CNTNAP2: variants seen among roughly 807,000 people sequenced by gnomAD.
The protein encoded by CNTNAP2 is contactin-associated protein-like 2.
In CNTNAP2, 98 loss-of-function variants were observed where a neutral mutation model predicts 155.2. That is an observed-to-expected ratio of 0.63 (90% CI 0.54 to 0.75). The LOEUF (loss-of-function observed/expected upper bound fraction) is 0.75. CNTNAP2 is among the 30% of genes least tolerant of loss of function. CNTNAP2 has a pLI of 0.00. For synonymous variants in CNTNAP2, 651 were observed against 631.2 expected (o/e 1.03, Z -0.47); for missense variants, 1,727 against 1,688.1 (o/e 1.02, Z -0.40).
intron 1 of CNTNAP2, among the ~76,000 whole-genome samples, chr7:146,709,677 G>C (rs1290718296): frequency 2.6e-5 from 4 of 152,100 alleles, no homozygotes; most frequent in Non-Finnish European, 5.9e-5. Context: ...CCAGCTTGTG[G>C]TTTCAGCTTC....
intron 15 of CNTNAP2, among the ~76,000 whole-genome samples, chr7:148,107,180 G>A (rs930983484): frequency 2.6e-5 from 4 of 152,106 alleles, no homozygotes. Context: ...CACTAATAAT[G>A]GGATTGACAT....
chr7:147,520,289 A>G (rs573280001), intron 11 of CNTNAP2, among the ~76,000 whole-genome samples: 4 of 152,360 alleles, frequency 2.6e-5, no homozygotes, highest in African/African-American at 7.2e-5. Context: ...CAAATTAAAA[A>G]TAGAGAATCT....
chr7:147,430,831 A>C (rs1433496473), intron 10 of CNTNAP2, among the ~76,000 whole-genome samples: 1 of 152,016 alleles, frequency 6.6e-6, no homozygotes, highest in Non-Finnish European at 1.5e-5. Flanking sequence ...TTGGGAGGCC[A>C]AAGTGGGTGG....
At chr7:146,794,042 A>G (rs575492466) in intron 2 of CNTNAP2, among the ~76,000 whole-genome samples, 1 of 152,272 alleles carries the variant, frequency 6.6e-6, no homozygotes, top group African/African-American at 2.4e-5. Context: ...GAGGGTAAAA[A>G]TCTAGTATTC....
rs10255967 is a variant in CNTNAP2, at chr7:146,467,640, G to A, written c.98-306631G>A. Among the ~76,000 whole-genome samples the A allele has an allele frequency of 4.7e-3, 723 of 152,252 alleles. 7 individuals are homozygous for A. Among genetic ancestry groups the A allele is most frequent in the African/African-American group, 0.016 (674 of 41,574 alleles). Reference sequence around the variant, plus strand: ...ATGATGGATAAGAATATATTTCAGAGTGTTAGTTTCCTGATTTATAATTAT... The same window carrying A: ...ATGATGGATAAGAATATATTTCAGAATGTTAGTTTCCTGATTTATAATTAT... On this transcript the variant is annotated intron_variant, in intron 1 of 23. Transcript: ENST00000361727.
intron 1 of CNTNAP2, among the ~76,000 whole-genome samples, chr7:146,248,309 C>T (rs538825688): frequency 5.3e-4 from 81 of 152,002 alleles, no homozygotes; most frequent in African/African-American, 1.8e-3. Flanking sequence ...GGAGAAGACA[C>T]GGAGAGAAGG....
At chr7:146,583,623 G>T (rs1028998548) in intron 1 of CNTNAP2, among the ~76,000 whole-genome samples, 1 of 152,098 alleles carries the variant, frequency 6.6e-6, no homozygotes, top group African/African-American at 2.4e-5. Context: ...AAAATACATA[G>T]TTTAAATCAG....
intron 1 of CNTNAP2, among the ~76,000 whole-genome samples, chr7:146,579,755 C>G (rs180994588): frequency 3.9e-5 from 6 of 152,046 alleles, no homozygotes; most frequent in African/African-American, 1.2e-4. Flanking sequence ...AAAATACAAA[C>G]GACATTGAGT....
At chr7:147,318,748 G>A (rs1278899461) in intron 9 of CNTNAP2, among the ~76,000 whole-genome samples, 2 of 152,018 alleles carry the variant, frequency 1.3e-5, no homozygotes, top group Non-Finnish European at 2.9e-5. Flanking sequence ...GGGTTGATTG[G>A]TGCAGCAAAC....
chr7:146,722,882 G>A (rs1037674759), intron 1 of CNTNAP2, among the ~76,000 whole-genome samples: 1 of 152,070 alleles, frequency 6.6e-6, no homozygotes, highest in African/African-American at 2.4e-5. Context: ...GGGCATAGTG[G>A]TGGGCATCTC....
At chr7:147,042,294 T>A (rs1799274885) in intron 3 of CNTNAP2, among the ~76,000 whole-genome samples, 1 of 152,188 alleles carries the variant, frequency 6.6e-6, no homozygotes, top group Non-Finnish European at 1.5e-5. Context: ...TTGTCCATGT[T>A]ATAGACTAAA....
At chr7:146,777,014 A>G (rs1802401644) in intron 2 of CNTNAP2, among the ~76,000 whole-genome samples, 1 of 152,174 alleles carries the variant, frequency 6.6e-6, no homozygotes, top group African/African-American at 2.4e-5. Context: ...AGGTAGATAG[A>G]GAGAAATAGA....
At chr7:147,423,782 T>C (rs1797335247) in intron 10 of CNTNAP2, among the ~76,000 whole-genome samples, 1 of 152,162 alleles carries the variant, frequency 6.6e-6, no homozygotes, top group African/African-American at 2.4e-5. Context: ...ATAATTGTGC[T>C]TCTCATTTCC....
chr7:146,771,428 A>G (rs1802291504), intron 1 of CNTNAP2, among the ~76,000 whole-genome samples: 1 of 152,222 alleles, frequency 6.6e-6, no homozygotes. Flanking sequence ...TTATAATCAA[A>G]TGTATCAGAA....
At chr7:146,969,468 G>A (rs1389035332) in intron 3 of CNTNAP2, among the ~76,000 whole-genome samples, 3 of 152,070 alleles carry the variant, frequency 2.0e-5, no homozygotes, top group Non-Finnish European at 4.4e-5. Context: ...AGATCACTCA[G>A]GACTTGCTTT....
At chr7:148,074,457 G>A (rs955884374) in intron 15 of CNTNAP2, among the ~76,000 whole-genome samples, 4 of 152,056 alleles carry the variant, frequency 2.6e-5, no homozygotes, top group Non-Finnish European at 4.4e-5. Context: ...TTGGGAGGCC[G>A]AGGCGGGTTG....
At chr7:146,347,220 G>C (rs990941829) in intron 1 of CNTNAP2, among the ~76,000 whole-genome samples, 19 of 151,120 alleles carry the variant, frequency 1.3e-4, no homozygotes, top group African/African-American at 4.6e-4. Flanking sequence ...TAAAAATAGA[G>C]ATGGAGGAGA....
chr7:148,169,712 A>G (rs1805739236), intron 17 of CNTNAP2, among the ~76,000 whole-genome samples: 1 of 152,250 alleles, frequency 6.6e-6, no homozygotes, highest in Non-Finnish European at 1.5e-5. Flanking sequence ...CTGTAATCCC[A>G]GCACTTTGGG....
At chr7:147,997,400 A>C (rs1241990961) in intron 15 of CNTNAP2, among the ~76,000 whole-genome samples, 1 of 151,924 alleles carries the variant, frequency 6.6e-6, no homozygotes, top group Non-Finnish European at 1.5e-5. Flanking sequence ...TTTAAAAAAA[A>C]TACTGAATTA....
Sources: gnomAD v4.1 joint callset for allele counts (sites outside exome capture counted in the v4.1 genomes callset) on GRCh38, gnomAD v4.1.1 for gene constraint, MANE v1.5 for transcripts, NCBI Gene and HGNC (gene_info 2026-07-23, HGNC 2026-07-21) for gene names.